Variants in SHANK1 observed in about 807,000 individuals in gnomAD.
SHANK1 encodes the protein SH3 and multiple ankyrin repeat domains protein 1.
In SHANK1, 35 loss-of-function variants were observed where a neutral mutation model predicts 165.6. That is an observed-to-expected ratio of 0.21 (90% CI 0.16 to 0.28). SHANK1 has a LOEUF of 0.28. Ranked by LOEUF, SHANK1 falls within the 10% of genes least tolerant of loss-of-function variation. SHANK1 has a pLI of 1.00. For missense variants in SHANK1, 2,681 were observed against 3,036.4 expected (o/e 0.88, Z 2.75); for synonymous variants, 1,428 against 1,384.8 (o/e 1.03, Z -0.69).
Position 50,716,722 on chromosome 19 carries a change from G to C in SHANK1, c.198C>G (p.Asp66Glu), listed in dbSNP as rs545121253. The C allele has an allele frequency of 6.2e-7, 1 of 1,605,780 alleles. No individual in the cohort carries two copies. The highest frequency in any genetic ancestry group is 8.5e-7 in the Non-Finnish European group (1 of 1,176,106). ...AGACCATCATGCTGAAGTGGGCGTC[G>C]TCTGGGACGGACATTGAGCGGCCCT... is the stretch of plus-strand genomic sequence containing the variant. ...GLQGRSMSVP[D>E]DAHFSMMVFR... Residue 66 changes from aspartate to glutamate, a missense_variant, in exon 2 of 24, where the codon GAC (aspartate) becomes GAG (glutamate). Asp to Glu is a conservative substitution (Grantham distance 45). Around this residue, in one of 10 missense-constraint regions of SHANK1, gnomAD observed 118 missense variants for 106.9 expected, o/e 1.10. Coordinates refer to ENST00000293441, the MANE Select transcript of SHANK1 (RefSeq NM_016148.5). The surrounding 1 kb of genome is among the most constrained non-coding windows in gnomAD (Gnocchi z 8.4).
chr19:50,693,787 G>A (rs1986624442), intron 15 of SHANK1, among the ~76,000 whole-genome samples: 1 of 152,082 alleles, frequency 6.6e-6, no homozygotes, highest in South Asian at 2.1e-4. Flanking sequence ...AGCTCAGCCG[G>A]GGCTCAGCAC....
At chr19:50,700,829 T>C (rs996339156) in intron 12 of SHANK1, among the ~76,000 whole-genome samples, 1 of 152,116 alleles carries the variant, frequency 6.6e-6, no homozygotes, top group African/African-American at 2.4e-5. Context: ...CAACCCCACG[T>C]GCCTACATCC....
intron 21 of SHANK1, among the ~76,000 whole-genome samples, chr19:50,678,261 C>G (rs562644003): frequency 1.3e-5 from 2 of 151,758 alleles, no homozygotes; most frequent in African/African-American, 4.8e-5. Context: ...GGGAGGGGTA[C>G]GAAGAGCCAG....
rs1382085749 is a variant in SHANK1 at position 50,718,986 on chromosome 19, G to A, written c.-44+420C>T. Among the ~76,000 whole-genome samples the A allele has an allele frequency of 6.6e-6, 1 of 151,758 alleles. No individual in the cohort carries two copies. Among genetic ancestry groups the A allele is most frequent in the East Asian group, 2.0e-4 (1 of 5,104 alleles). ...TGGAGGGGTCGAAAGGGGCGGAGGA[G>A]GCCCGGGCCTAGACCCTCGCTGGAG... On this transcript the variant is annotated intron_variant, in intron 1 of 23. Transcript: ENST00000293441. The surrounding 1 kb of genome is among the most constrained non-coding windows in gnomAD (Gnocchi z 5.1).
intron 21 of SHANK1, among the ~76,000 whole-genome samples, chr19:50,685,938 G>T (rs1360448536): frequency 6.6e-6 from 1 of 152,026 alleles, no homozygotes; most frequent in Non-Finnish European, 1.5e-5. Context: ...TGCCTTCCTT[G>T]AGACCCTTAA....
chr19:50,679,926 G>T (rs12463161), intron 21 of SHANK1, among the ~76,000 whole-genome samples: 51,797 of 150,802 alleles, frequency 0.34, 10,868 homozygotes, highest in Admixed American at 0.5. Context: ...AGAGACAAAG[G>T]CAGAGATAGG....
In SHANK1 at chr19:50,716,782, C is replaced by T; in HGVS notation, c.138G>A (p.Gly46=). 1 of 1,605,722 alleles carries T rather than the reference C, an allele frequency of 6.2e-7. No homozygotes were observed. Among genetic ancestry groups the T allele is most frequent in the Non-Finnish European group, 8.5e-7 (1 of 1,176,502 alleles). The change falls in exon 2 of 24, where the codon GGG becomes GGA. Residue 46 remains glycine (G), a synonymous_variant. Coordinates refer to ENST00000293441, the MANE Select transcript of SHANK1 (RefSeq NM_016148.5). The surrounding 1 kb of genome is among the most constrained non-coding windows in gnomAD (Gnocchi z 8.4). ...TAACAGAGGCCAGGCTACCAGGTGC[C>T]CCACTGCCCTGGCCCCGGGTCCCCC... is the stretch of plus-strand genomic sequence containing the variant. ...GPRGTRGQGS[G]APGSLASVRG... is the part of the protein sequence containing the mutation.
chr19:50,675,524 C>T (rs1339036086), intron 21 of SHANK1, among the ~76,000 whole-genome samples: 1 of 152,140 alleles, frequency 6.6e-6, no homozygotes, highest in Non-Finnish European at 1.5e-5. Context: ...TTCATTCATT[C>T]CAGAAATATT....
rs753815138 is a variant in SHANK1, at chr19:50,714,323, C to T, written c.532-33G>A. 13 of 1,590,278 alleles carry T rather than the reference C, an allele frequency of 8.2e-6. No homozygotes were observed. The Admixed American group carries it at 2.0e-4, about 25-fold the overall frequency. On this transcript the variant is annotated intron_variant, in intron 4 of 23. Transcript: ENST00000293441. ...ATGGGCAAAGAGAGAGAAGACAGGA[C>T]AGTCAGGAGCAAGGCAGAGAAGCAG...
chr19:50,704,403 T>G (rs2088912820), intron 9 of SHANK1, 34 bp downstream of exon 9: 8 of 1,599,874 alleles, frequency 5.0e-6, no homozygotes, highest in Non-Finnish European at 6.0e-6. Flanking sequence ...TCCTTAGCCC[T>G]GGAAACTCCA....
In SHANK1 at chr19:50,659,868, T is replaced by TG. The variant is rs1985124868; in HGVS notation, c.*2096dup. 1.4e-5 allele frequency among the ~76,000 whole-genome samples: 2 copies of TG among 144,108 alleles called. No individual in the cohort carries two copies. Among genetic ancestry groups the TG allele is most frequent in the Non-Finnish European group, 3.0e-5 (2 of 66,306 alleles). The allele number at this position is 144,108 out of a possible 152,430, so 94.5% of individuals were successfully genotyped here. ...GGCGCCGCGCAGGCCCCCTGCGGAC[T>TG]GGGGGCATCCGACAAGGGGGAGGGG... On this transcript the variant is annotated 3_prime_UTR_variant, in exon 24 of 24. Coordinates refer to ENST00000293441, the MANE Select transcript of SHANK1 (RefSeq NM_016148.5).
chr19:50,671,160 C>G (rs1354468889), intron 22 of SHANK1, among the ~76,000 whole-genome samples: 1 of 146,198 alleles, frequency 6.8e-6, no homozygotes. Context: ...TCTTACCTTA[C>G]TCCATTATTT....
Position 50,687,674 on chromosome 19 carries a change from A to C in SHANK1, c.2309-12T>G. ...GGCCTGCTGGGGTGCTGAAAAGGTG[A>C]TGAGGGGAGGCATCAGTATCATGGG... On this transcript the variant is annotated splice_polypyrimidine_tract_variant and intron_variant, in intron 18 of 23. Transcript: ENST00000293441. 6.8e-7 allele frequency: 1 copy of C among 1,478,704 alleles called. No individual in the cohort carries two copies. The highest frequency in any genetic ancestry group is 1.4e-5 in the South Asian group (1 of 70,734). The allele number at this position is 1,478,704 out of a possible 1,614,324, so 91.6% of individuals were successfully genotyped here.
In SHANK1 at chr19:50,713,133, G is replaced by T. The variant is rs112223111; in HGVS notation, c.792+665C>A. Among the ~76,000 whole-genome samples, 1 of 152,168 alleles carries T rather than the reference G, an allele frequency of 6.6e-6. No homozygotes were observed. The highest frequency in any genetic ancestry group is 1.5e-5 in the Non-Finnish European group (1 of 68,038). Reference sequence around the variant, plus strand: ...GGCCGTTTAGCTGGAGCAGCTGTGCGTCGGGGTGCTTCTCAATGGCTGTCT... The same window carrying T: ...GGCCGTTTAGCTGGAGCAGCTGTGCTTCGGGGTGCTTCTCAATGGCTGTCT... On this transcript the variant is annotated intron_variant, in intron 6 of 23. Coordinates refer to ENST00000293441, the MANE Select transcript of SHANK1 (RefSeq NM_016148.5). This position sits in a 1 kb window ranked among gnomAD's most constrained non-coding sequence, Gnocchi z 6.2.
Position 50,687,954 on chromosome 19 carries a change from G to A in SHANK1, c.2277C>T (p.His759=). ...TGTGCACTGCCTCATCCATGTCCGG[G>A]TGCCTGGTGACCATCACCACCTTCA... ...LMVKVVMVTR[H]PDMDEAVHKK... Residue 759 remains histidine (H), a synonymous_variant, in exon 18 of 24, where the codon CAC becomes CAT. Coordinates refer to ENST00000293441, the MANE Select transcript of SHANK1 (RefSeq NM_016148.5). 2 of 1,614,114 alleles carry A rather than the reference G, an allele frequency of 1.2e-6. No individual in the cohort carries two copies. Among genetic ancestry groups the A allele is most frequent in the Non-Finnish European group, 1.7e-6 (2 of 1,179,990 alleles).
chr19:50,692,343 G>T (rs1986564228), intron 15 of SHANK1, among the ~76,000 whole-genome samples: 1 of 151,672 alleles, frequency 6.6e-6, no homozygotes, highest in South Asian at 2.1e-4. Flanking sequence ...CCCAGGGAAG[G>T]GTTGACTGTT....
intron 21 of SHANK1, among the ~76,000 whole-genome samples, chr19:50,684,059 C>T (rs1339129784): frequency 5.3e-5 from 8 of 152,198 alleles, no homozygotes; most frequent in Admixed American, 5.2e-4. Flanking sequence ...CTTTCTGTTT[C>T]TGTACCGCCC....
At chr19:50,714,370 A>G (rs1367417160) in intron 4 of SHANK1, 80 bp from the exon 5 acceptor site, 9 of 1,207,536 alleles carry the variant, frequency 7.5e-6, no homozygotes, top group African/African-American at 1.5e-5. Context: ...AGCGACGTCC[A>G]GTGAAAATAT....
chr19:50,702,162 C>T lies in SHANK1; in HGVS notation c.1747+305G>A, dbSNP rs1289769637. On this transcript the variant is annotated intron_variant, in intron 12 of 23. Coordinates refer to ENST00000293441, the MANE Select transcript of SHANK1 (RefSeq NM_016148.5). The surrounding 1 kb of genome is among the most constrained non-coding windows in gnomAD (Gnocchi z 5.3). ...TCAACCATGCAATGGGGCCCATGAC[C>T]TCCCTCCCCAGAAAGGGCCATCAGG... Among the ~76,000 whole-genome samples the T allele has an allele frequency of 2.2e-5, 3 of 135,984 alleles. No homozygotes were observed. Among genetic ancestry groups the T allele is most frequent in the African/African-American group, 8.4e-5 (3 of 35,808 alleles). The allele number at this position is 135,984 out of a possible 152,430, so 89.2% of individuals were successfully genotyped here.
Sources: gnomAD v4.1 joint callset for allele counts (sites outside exome capture counted in the v4.1 genomes callset) on GRCh38, gnomAD v4.1.1 for gene constraint, gnomAD v4.1.1 regional missense constraint, Gnocchi (gnomAD v3.1) non-coding constraint, MANE v1.5 for transcripts, NCBI Gene and HGNC (gene_info 2026-07-23, HGNC 2026-07-21) for gene names.